The following CNTN5 variants were observed in gnomAD, a reference collection of about 807,000 sequenced individuals.
CNTN5 encodes the protein contactin 5, also known as contactin-5.
CNTN5 carries 77 observed loss-of-function variants against 129.1 expected under a neutral mutation model. The ratio of observed to expected loss-of-function variants is 0.60; its 90% CI spans 0.50 to 0.72. The LOEUF is 0.72. Among genes scored for constraint, CNTN5 ranks in the 30% least tolerant of loss-of-function variants. The pLI is 0.00. For missense variants in CNTN5, 1,478 were observed against 1,328.8 expected (o/e 1.11, Z -1.75); for synonymous variants, 509 against 465.6 (o/e 1.09, Z -1.20).
chr11:99,962,585 C>T (rs1348715717), intron 8 of CNTN5, among the ~76,000 whole-genome samples: 3 of 151,160 alleles, frequency 2.0e-5, no homozygotes, highest in Non-Finnish European at 4.4e-5. Flanking sequence ...GGTTCCAAGT[C>T]TTTGCTATTG....
chr11:99,440,380 G>A (rs1343661069), intron 2 of CNTN5, among the ~76,000 whole-genome samples: 1 of 150,610 alleles, frequency 6.6e-6, no homozygotes, highest in African/African-American at 2.4e-5. Context: ...ACAATTTCTT[G>A]TTTATTTGAT....
rs574973266 is a variant in CNTN5 at position 99,812,294 on chromosome 11, T to C, written c.56-7250T>C. On this transcript the variant is annotated intron_variant, in intron 3 of 24. Coordinates refer to ENST00000524871, the MANE Select transcript of CNTN5 (RefSeq NM_014361.4). ...AAAATAAAAAATGTAATCATTTCCT[T>C]TCTGCTCTTCACTTTTTCAGTTCCT... Among the ~76,000 whole-genome samples, 3 of 152,248 alleles carry C rather than the reference T, an allele frequency of 2.0e-5. No individual in the cohort carries two copies. In the East Asian group the frequency reaches 5.8e-4, roughly 29 times the overall value.
chr11:99,958,266 T>A (rs1950854785), intron 8 of CNTN5, among the ~76,000 whole-genome samples: 1 of 152,192 alleles, frequency 6.6e-6, no homozygotes, highest in South Asian at 2.1e-4. Context: ...AAACATTAAC[T>A]GGGATATTAA....
intron 8 of CNTN5, among the ~76,000 whole-genome samples, chr11:99,985,057 C>A (rs1938590104): frequency 1.3e-5 from 2 of 152,160 alleles, no homozygotes; most frequent in African/African-American, 4.8e-5. Context: ...AGGGGTGTTA[C>A]AATGACTTCT....
intron 13 of CNTN5, among the ~76,000 whole-genome samples, chr11:100,182,487 T>C (rs1295451804): frequency 6.6e-6 from 1 of 152,054 alleles, no homozygotes; most frequent in Non-Finnish European, 1.5e-5. Flanking sequence ...CTAAATATCA[T>C]CACATTGGCA....
chr11:100,302,531 C>G (rs1226105358), intron 20 of CNTN5, among the ~76,000 whole-genome samples: 1 of 151,528 alleles, frequency 6.6e-6, no homozygotes, highest in Non-Finnish European at 1.5e-5. Context: ...TGTTTATGGG[C>G]TTAGTTCCTC....
rs370432254 is a variant in CNTN5 at position 100,241,578 on chromosome 11, C to A, written c.2006-14182C>A. Among the ~76,000 whole-genome samples, 9 of 152,130 alleles carry A rather than the reference C, an allele frequency of 5.9e-5. No homozygotes were observed. In the South Asian group the frequency reaches 1.9e-3, roughly 31 times the overall value. ...TTGGCTCACAACTCACTAGTCTGAA[C>A]CTATTACAGAGCTACATACAAAATG... On this transcript the variant is annotated intron_variant, in intron 16 of 24. Coordinates refer to ENST00000524871, the MANE Select transcript of CNTN5 (RefSeq NM_014361.4).
intron 1 of CNTN5, among the ~76,000 whole-genome samples, chr11:99,143,031 C>T (rs1281466385): frequency 6.6e-6 from 1 of 152,058 alleles, no homozygotes; most frequent in Non-Finnish European, 1.5e-5. Flanking sequence ...GCCTTTCTTC[C>T]TAAGATCTGC....
chr11:100,188,074 A>T (rs1185445847), intron 13 of CNTN5, among the ~76,000 whole-genome samples: 1 of 152,210 alleles, frequency 6.6e-6, no homozygotes, highest in Admixed American at 6.5e-5. Context: ...TATGAGGAAC[A>T]TAAACAATTG....
intron 2 of CNTN5, among the ~76,000 whole-genome samples, chr11:99,412,038 T>TG (rs1336578792): frequency 6.6e-6 from 1 of 152,168 alleles, no homozygotes; most frequent in Non-Finnish European, 1.5e-5. Context: ...AATAAAGAAA[T>TG]GGGGAAATGA....
At chr11:99,837,323 C>T (rs1327733077) in intron 4 of CNTN5, among the ~76,000 whole-genome samples, 1 of 152,132 alleles carries the variant, frequency 6.6e-6, no homozygotes, top group African/African-American at 2.4e-5. Context: ...CAAATTACTT[C>T]TTAACACATT....
At chr11:99,827,537 CTAGA>C (rs1362051773) in intron 4 of CNTN5, among the ~76,000 whole-genome samples, 71 of 152,272 alleles carry the variant, frequency 4.7e-4, no homozygotes, top group African/African-American at 1.7e-3. Context: ...TAAAACAAGA[CTAGA>C]CTAAATTGTT....
intron 1 of CNTN5, among the ~76,000 whole-genome samples, chr11:99,262,568 A>G (rs1467320945): frequency 6.6e-6 from 1 of 151,268 alleles, no homozygotes; most frequent in Admixed American, 6.6e-5. Flanking sequence ...GAGCCAAAAA[A>G]CATGTATTGC....
chr11:99,984,333 G>A (rs1216293990), intron 8 of CNTN5, among the ~76,000 whole-genome samples: 1 of 151,064 alleles, frequency 6.6e-6, no homozygotes, highest in African/African-American at 2.4e-5. Context: ...AAGAGGAAGG[G>A]AGAAAAGAAA....
At chr11:100,233,906 T>C (rs1225793541) in intron 16 of CNTN5, among the ~76,000 whole-genome samples, 1 of 152,046 alleles carries the variant, frequency 6.6e-6, no homozygotes, top group Non-Finnish European at 1.5e-5. Flanking sequence ...TCTGTCCATC[T>C]GACAAAGGGC....
chr11:99,151,830 A>G (rs1264519750), intron 1 of CNTN5, among the ~76,000 whole-genome samples: 1 of 151,352 alleles, frequency 6.6e-6, no homozygotes, highest in Admixed American at 6.6e-5. Flanking sequence ...GCATGTTCTC[A>G]CTCATAAGTG....
At chr11:99,440,862 C>T (rs2656164) in intron 2 of CNTN5, among the ~76,000 whole-genome samples, 141,823 of 152,212 alleles carry the variant, frequency 0.93, 66,596 homozygotes, top group Non-Finnish European at 0.99. Flanking sequence ...AGCTGGGATA[C>T]GTAATTAGCT....
At chr11:99,786,408 C>T (rs185860686) in intron 3 of CNTN5, among the ~76,000 whole-genome samples, 25 of 151,686 alleles carry the variant, frequency 1.6e-4, no homozygotes, top group African/African-American at 3.6e-4. Context: ...GAATCAATAT[C>T]GCAAAAATGG....
intron 7 of CNTN5, among the ~76,000 whole-genome samples, chr11:99,936,842 A>T (rs11221957): frequency 0.06 from 9,194 of 152,164 alleles, 534 homozygotes; most frequent in East Asian, 0.26. Flanking sequence ...CAAGGCAGGG[A>T]TATGTTATAA....
Sources: gnomAD v4.1 joint callset for allele counts (sites outside exome capture counted in the v4.1 genomes callset) on GRCh38, gnomAD v4.1.1 for gene constraint, MANE v1.5 for transcripts, NCBI Gene and HGNC (gene_info 2026-07-23, HGNC 2026-07-21) for gene names.